STARD13: variants seen among roughly 807,000 people sequenced by gnomAD.
STARD13 encodes stAR-related lipid transfer protein 13.
STARD13 carries 62 observed loss-of-function variants against 106.4 expected under a neutral mutation model. The observed-to-expected ratio is 0.58, with a 90% CI of 0.48 to 0.72. The LOEUF (loss-of-function observed/expected upper bound fraction) is 0.72, where lower values mean the gene tolerates loss of function less well. STARD13 is among the 30% of genes least tolerant of loss of function. STARD13 has a pLI of 0.00. For synonymous variants in STARD13, 565 were observed against 553.0 expected (o/e 1.02, Z -0.31); for missense variants, 1,387 against 1,424.0 (o/e 0.97, Z 0.42).
In STARD13 at chr13:33,211,541, G is replaced by C. The variant is rs563189411; in HGVS notation, c.170-43919C>G. Among the ~76,000 whole-genome samples, 11 of 152,244 alleles carry C rather than the reference G, an allele frequency of 7.2e-5. No individual in the cohort carries two copies. The South Asian group carries it at 8.3e-4, about 11-fold the overall frequency. On this transcript the variant is annotated intron_variant, in intron 1 of 13. Coordinates refer to ENST00000336934, the MANE Select transcript of STARD13 (RefSeq NM_178006.4). ...GATATCAAAATCCACAGATTCTCAA[G>C]TCCCTGATTCAAAGTGGGATAGTAT... is the stretch of plus-strand genomic sequence containing the variant.
the STARD13 span, among the ~76,000 whole-genome samples, chr13:33,632,479 A>G: frequency 3.9e-5 from 6 of 152,320 alleles, no homozygotes; most frequent in Non-Finnish European, 8.8e-5. Flanking sequence ...CACTATGTCT[A>G]TATTGTACCT....
the STARD13 span, among the ~76,000 whole-genome samples, chr13:33,554,420 G>A: frequency 6.6e-6 from 1 of 152,166 alleles, no homozygotes; most frequent in African/African-American, 2.4e-5. Context: ...CCCTGTGCAA[G>A]TTACCTAACC....
intron 4 of STARD13, among the ~76,000 whole-genome samples, chr13:33,135,641 C>A (rs958837839): frequency 3.3e-5 from 5 of 152,186 alleles, no homozygotes; most frequent in African/African-American, 9.7e-5. Context: ...GAATGGAATA[C>A]CCTAAAGTAG....
chr13:33,219,675 C>G (rs546012666), intron 1 of STARD13, among the ~76,000 whole-genome samples: 4 of 151,390 alleles, frequency 2.6e-5, no homozygotes, highest in African/African-American at 9.7e-5. Flanking sequence ...CACGGTGGTG[C>G]ATGCCTGTAG....
At chr13:33,613,440 G>A in the STARD13 span, among the ~76,000 whole-genome samples, 1 of 152,210 alleles carries the variant, frequency 6.6e-6, no homozygotes, top group African/African-American at 2.4e-5. Flanking sequence ...AGAGGGAGTA[G>A]TTTTCCCTGA....
At chr13:33,386,401 G>A in the STARD13 span, among the ~76,000 whole-genome samples, 2 of 152,058 alleles carry the variant, frequency 1.3e-5, no homozygotes, top group East Asian at 1.9e-4. Context: ...CTGAGCTAGC[G>A]GGTCACATGA....
intron 4 of STARD13, among the ~76,000 whole-genome samples, chr13:33,135,380 A>G (rs1047096358): frequency 2.0e-5 from 3 of 152,218 alleles, no homozygotes; most frequent in Non-Finnish European, 4.4e-5. Flanking sequence ...GTCTGGGTGT[A>G]GTCAAATTCA....
At chr13:33,655,520 C>A in the STARD13 span, among the ~76,000 whole-genome samples, 40 of 152,232 alleles carry the variant, frequency 2.6e-4, no homozygotes, top group South Asian at 7.7e-3. Context: ...CATTCCAGTC[C>A]TAATCTCTCC....
At chr13:33,376,248 C>T in the STARD13 span, among the ~76,000 whole-genome samples, 1 of 152,124 alleles carries the variant, frequency 6.6e-6, no homozygotes, top group East Asian at 1.9e-4. Context: ...TTCATTCATT[C>T]AGTATTTTGC....
intron 1 of STARD13, among the ~76,000 whole-genome samples, chr13:33,270,618 C>T (rs574730425): frequency 2.6e-5 from 4 of 152,304 alleles, no homozygotes; most frequent in East Asian, 1.9e-4. Context: ...TTAGGACAAA[C>T]GTGCTCGAGA....
At chr13:33,446,979 G>C in the STARD13 span, among the ~76,000 whole-genome samples, 4 of 152,168 alleles carry the variant, frequency 2.6e-5, no homozygotes, top group African/African-American at 9.6e-5. Flanking sequence ...GAGGCTACTT[G>C]TTCTCTCTCT....
intron 1 of STARD13, among the ~76,000 whole-genome samples, chr13:33,172,104 C>T (rs1235934379): frequency 1.3e-5 from 2 of 152,162 alleles, no homozygotes; most frequent in Non-Finnish European, 2.9e-5. Context: ...TCAACTCTTG[C>T]CCCATTATGA....
rs771015540 is a variant in STARD13 at position 33,112,724 on chromosome 13, G to A, written c.2489C>T (p.Pro830Leu). The A allele has an allele frequency of 3.8e-6, 6 of 1,595,962 alleles. No homozygotes were observed. The African/African-American group carries it at 6.8e-5, about 18-fold the overall frequency. Residue 830 changes from proline (P) to leucine (L), a missense_variant, in exon 9 of 14, where the codon CCA (proline) becomes CTA (leucine). Coordinates refer to ENST00000336934, the MANE Select transcript of STARD13 (RefSeq NM_178006.4). ...GTTACTGAGAAAAAAAACCCACCGT[G>A]GAGAGCTTTCTTTCTTCAATAAATT... Reference protein sequence around the residue: ...HLNLLKKESSPRVIQKKYATG... With the variant: ...HLNLLKKESSLRVIQKKYATG...
chr13:33,416,704 C>T, the STARD13 span, among the ~76,000 whole-genome samples: 20 of 152,136 alleles, frequency 1.3e-4, no homozygotes, highest in Non-Finnish European at 5.9e-5. Flanking sequence ...AAGTGGACTG[C>T]AGACCTAAAT....
At chr13:33,583,476 A>T in the STARD13 span, among the ~76,000 whole-genome samples, 1 of 152,180 alleles carries the variant, frequency 6.6e-6, no homozygotes, top group Admixed American at 6.6e-5. Context: ...ACTCCGTCTT[A>T]GACCTTTTTT....
chr13:33,178,294 ATTACT>A (rs1884907862), intron 1 of STARD13, among the ~76,000 whole-genome samples: 1 of 152,190 alleles, frequency 6.6e-6, no homozygotes, highest in Admixed American at 6.5e-5. Context: ...TTCTACTGAC[ATTACT>A]TTAAAAAGTA....
At chr13:33,241,175 G>A (rs1345226731) in intron 1 of STARD13, among the ~76,000 whole-genome samples, 1 of 152,126 alleles carries the variant, frequency 6.6e-6, no homozygotes, top group South Asian at 2.1e-4. Flanking sequence ...AACTATTTCA[G>A]GGCCATTGAT....
the STARD13 span, among the ~76,000 whole-genome samples, chr13:33,399,426 G>A: frequency 6.6e-6 from 1 of 152,022 alleles, no homozygotes; most frequent in African/African-American, 2.4e-5. Context: ...CAGGCATGGT[G>A]GTTCACACCT....
chr13:33,642,421 G>A, the STARD13 span, among the ~76,000 whole-genome samples: 19 of 152,240 alleles, frequency 1.2e-4, no homozygotes, highest in African/African-American at 4.3e-4. Flanking sequence ...GCTCCAGCCA[G>A]GGAGAAGAGT....
Sources: gnomAD v4.1 joint callset for allele counts (sites outside exome capture counted in the v4.1 genomes callset) on GRCh38, gnomAD v4.1.1 for gene constraint, MANE v1.5 for transcripts, NCBI Gene and HGNC (gene_info 2026-07-23, HGNC 2026-07-21) for gene names.